Variants in TRAF3IP2 observed in about 807,000 individuals in gnomAD.
TRAF3IP2 encodes TRAF3 interacting protein 2, also known as E3 ubiquitin ligase TRAF3IP2.
A neutral mutation model predicts 57.9 loss-of-function variants in TRAF3IP2; 35 were observed. The observed-to-expected ratio is 0.60, with a 90% CI of 0.46 to 0.80. TRAF3IP2 has a LOEUF of 0.80. Among genes scored for constraint, TRAF3IP2 ranks in the 30% least tolerant of loss-of-function variants. The probability of loss-of-function intolerance (pLI) is 0.00; values close to 1 mark genes in which losing one functional copy is unlikely to be tolerated. For synonymous variants in TRAF3IP2, 251 were observed against 268.9 expected (o/e 0.93, Z 0.65); for missense variants, 556 against 706.4 (o/e 0.79, Z 2.41).
At position 111,566,543 on chromosome 6, in the gene TRAF3IP2, G is replaced by A. The variant is rs371382152; in HGVS notation, c.1377C>T (p.Ile459=). The A allele has an allele frequency of 1.1e-4, 171 of 1,613,960 alleles. No homozygotes were observed. The highest frequency in any genetic ancestry group is 1.3e-4 in the Non-Finnish European group (157 of 1,179,964). Residue 459 remains isoleucine (I), a synonymous_variant, in exon 7 of 9, where the codon ATC becomes ATT. Transcript: ENST00000368761. ...RYLRDKTVMI[I]VAISPKYKQD... ...GTTTGTATTTGGGGCTGATTGCTAC[G>A]ATTATCATCACGGTCTTCTGTTAAT...
chr6:111,555,990 C>T lies in TRAF3IP2; in HGVS notation c.*3415G>A, dbSNP rs952484573. Among the ~76,000 whole-genome samples the T allele has an allele frequency of 6.6e-6, 1 of 151,844 alleles. No homozygotes were observed. Among genetic ancestry groups the T allele is most frequent in the African/African-American group, 2.4e-5 (1 of 41,298 alleles). ...TGGTGGCAGGTGCCTGTAGTCACAGCTACTCGAGAGGCTGAGGCAGGAGAA... is the reference window on the plus strand; with the variant it reads ...TGGTGGCAGGTGCCTGTAGTCACAGTTACTCGAGAGGCTGAGGCAGGAGAA... On this transcript the variant is annotated 3_prime_UTR_variant, in exon 9 of 9. Transcript: ENST00000368761.
At chr6:111,592,881 A>C (rs989874456) in intron 1 of TRAF3IP2, among the ~76,000 whole-genome samples, 2 of 152,224 alleles carry the variant, frequency 1.3e-5, no homozygotes, top group Admixed American at 1.3e-4. Flanking sequence ...CTATGCCTGC[A>C]ACAAAGGTAG....
chr6:111,564,107 T>C (rs1795541248), intron 7 of TRAF3IP2, among the ~76,000 whole-genome samples: 1 of 152,024 alleles, frequency 6.6e-6, no homozygotes, highest in Admixed American at 6.6e-5. Context: ...TGATAGCTGG[T>C]TATTGAAATC....
At chr6:111,588,036 A>G (rs186211041) in intron 2 of TRAF3IP2, among the ~76,000 whole-genome samples, 243 of 152,308 alleles carry the variant, frequency 1.6e-3, no homozygotes, top group African/African-American at 5.6e-3. Flanking sequence ...GATTGCACCA[A>G]TTTACACTCC....
chr6:111,601,092 T>G, intron 1 of TRAF3IP2: 1 of 637,054 alleles, frequency 1.6e-6, no homozygotes, highest in South Asian at 1.9e-5. Context: ...TGCATCTCGG[T>G]TGGGAGCACT....
rs190151980 is a variant in TRAF3IP2, at chr6:111,555,603, A to G, written c.*3802T>C. Among the ~76,000 whole-genome samples, 85 of 152,346 alleles carry G rather than the reference A, an allele frequency of 5.6e-4. No homozygotes were observed. The highest frequency in any genetic ancestry group is 1.1e-3 in the Non-Finnish European group (72 of 68,034). Reference sequence around the variant, plus strand: ...TAAATTAGTCATCAAATATTAGGTAAGAACCTAACCTTGCATTCCACAAAC... The same window carrying G: ...TAAATTAGTCATCAAATATTAGGTAGGAACCTAACCTTGCATTCCACAAAC... On this transcript the variant is annotated 3_prime_UTR_variant, in exon 9 of 9. Coordinates refer to ENST00000368761, the MANE Select transcript of TRAF3IP2 (RefSeq NM_147686.4).
Position 111,558,189 on chromosome 6 carries a change from A to AT in TRAF3IP2, c.*1215dup, listed in dbSNP as rs545148492. The AT allele has an allele frequency of 1.8e-4, 28 of 152,314 alleles. No individual in the cohort carries two copies. The highest frequency in any genetic ancestry group is 6.3e-4 in the African/African-American group (26 of 41,558). The allele number at this position is 152,314 out of a possible 1,614,324, so 9.4% of individuals were successfully genotyped here. ...GATTAGAGATGCTTTTGTCCATGTC[A>AT]TTTTATAAATGAGTCCCTGGAATCT... On this transcript the variant is annotated 3_prime_UTR_variant, in exon 9 of 9. Transcript: ENST00000368761.
At chr6:111,573,049 A>G in intron 4 of TRAF3IP2, 66 bp from the exon 5 acceptor site, 1 of 1,216,286 alleles carries the variant, frequency 8.2e-7, no homozygotes, top group East Asian at 2.4e-5. Flanking sequence ...AAACTTCTAA[A>G]TTATATGCAA....
chr6:111,575,048 C>A (rs183471109), intron 4 of TRAF3IP2, among the ~76,000 whole-genome samples: 1 of 151,764 alleles, frequency 6.6e-6, no homozygotes, highest in Admixed American at 6.6e-5. Flanking sequence ...ATGGCAAAAC[C>A]CCGTCTCTAG....
At position 111,559,177 on chromosome 6, in the gene TRAF3IP2, T is replaced by C; in HGVS notation, c.*228A>G. Reference sequence around the variant, plus strand: ...GGACACTGGCACCTGCAATGGTTTTTTTAAAAGCAGAGAATGCAGAGCAGT... The same window carrying C: ...GGACACTGGCACCTGCAATGGTTTTCTTAAAAGCAGAGAATGCAGAGCAGT... On this transcript the variant is annotated 3_prime_UTR_variant, in exon 9 of 9. Coordinates refer to ENST00000368761, the MANE Select transcript of TRAF3IP2 (RefSeq NM_147686.4). The C allele has an allele frequency of 2.0e-6, 1 of 490,310 alleles. No individual in the cohort carries two copies. The highest frequency in any genetic ancestry group is 3.5e-6 in the Non-Finnish European group (1 of 284,286). The allele number at this position is 490,310 out of a possible 1,614,324, so 30.4% of individuals were successfully genotyped here.
At chr6:111,603,086 A>G (rs552427280) in intron 1 of TRAF3IP2, among the ~76,000 whole-genome samples, 14 of 27,600 alleles carry the variant, frequency 5.1e-4, no homozygotes, top group East Asian at 1.2e-3. Context: ...CAAGGTGTGC[A>G]CACACACACA....
At chr6:111,577,695 A>ATG (rs1583227834) in intron 3 of TRAF3IP2, among the ~76,000 whole-genome samples, 1 of 148,498 alleles carries the variant, frequency 6.7e-6, no homozygotes, top group Admixed American at 6.7e-5. Flanking sequence ...GTTTGTGTGT[A>ATG]TGTGTGTGTG....
At chr6:111,561,678 A>T (rs73767603) in intron 8 of TRAF3IP2, among the ~76,000 whole-genome samples, 3,198 of 152,276 alleles carry the variant, frequency 0.021, 122 homozygotes, top group African/African-American at 0.073. Flanking sequence ...AAGGGGACAC[A>T]GTCCTCTTCT....
chr6:111,572,623 C>T (rs893140374), intron 5 of TRAF3IP2: 8 of 326,730 alleles, frequency 2.4e-5, no homozygotes, highest in African/African-American at 1.1e-4. Context: ...GGCCAGGGGC[C>T]GCTGCATATG....
intron 1 of TRAF3IP2, among the ~76,000 whole-genome samples, chr6:111,603,079 G>C (rs531014705): frequency 3.0e-4 from 36 of 118,440 alleles, no homozygotes; most frequent in African/African-American, 1.1e-3. Flanking sequence ...GCACACACAA[G>C]GTGTGCACAC....
At chr6:111,604,639 G>C (rs1796967215) in intron 1 of TRAF3IP2, among the ~76,000 whole-genome samples, 1 of 152,234 alleles carries the variant, frequency 6.6e-6, no homozygotes, top group Non-Finnish European at 1.5e-5. Flanking sequence ...CGCCCTGACT[G>C]CTGCTTTACC....
intron 8 of TRAF3IP2, among the ~76,000 whole-genome samples, chr6:111,561,463 C>T (rs549123934): frequency 1.2e-3 from 177 of 151,970 alleles, no homozygotes; most frequent in African/African-American, 3.9e-3. Flanking sequence ...AAAGAGGTGT[C>T]GGGGAGGCTA....
In TRAF3IP2 at chr6:111,591,799, G is replaced by C. The variant is rs1796529449; in HGVS notation, c.288C>G (p.Cys96Trp). ...QVLEDSEDSF[C>W]RRHPGLGKAF... ...CTTTGCCCAGGCCTGGGTGTCTCCT[G>C]CAGAAACTGTCTTCACTGTCCTCCA... Residue 96 changes from cysteine (C) to tryptophan (W), a missense_variant, in exon 2 of 9, where the codon TGC (cysteine) becomes TGG (tryptophan). Physicochemically the swap from Cys to Trp is radical, Grantham distance 215 (BLOSUM62 -2). Around this residue, in one of 2 missense-constraint regions of TRAF3IP2, gnomAD observed 428 missense variants for 498.7 expected, o/e 0.86. Transcript: ENST00000368761. The surrounding 1 kb of genome is among the most constrained non-coding windows in gnomAD (Gnocchi z 4.9). The C allele has an allele frequency of 1.9e-6, 3 of 1,614,128 alleles. No homozygotes were observed. The South Asian group carries it at 3.3e-5, about 18-fold the overall frequency.
At chr6:111,559,702 G>T (rs970652609) in intron 8 of TRAF3IP2, 151 bp from the exon 9 acceptor site, 4 of 898,740 alleles carry the variant, frequency 4.5e-6, no homozygotes, top group Non-Finnish European at 5.0e-6. Context: ...CTTTTGGAAA[G>T]GTTTAGCATG....
Sources: gnomAD v4.1 joint callset for allele counts (sites outside exome capture counted in the v4.1 genomes callset) on GRCh38, gnomAD v4.1.1 for gene constraint, gnomAD v4.1.1 regional missense constraint, Gnocchi (gnomAD v3.1) non-coding constraint, MANE v1.5 for transcripts, NCBI Gene and HGNC (gene_info 2026-07-23, HGNC 2026-07-21) for gene names.